The following AWAT1 variants were observed in gnomAD, a reference collection of about 807,000 sequenced individuals.
AWAT1 encodes the protein acyl-CoA wax alcohol acyltransferase 1.
In AWAT1, 26 loss-of-function variants were observed where a neutral mutation model predicts 21.6. The observed-to-expected ratio is 1.20, with a 90% CI of 0.88 to 1.67. The LOEUF is 1.67. AWAT1 is among the 40% of genes most tolerant of loss of function. The probability of loss-of-function intolerance (pLI) is 0.00; values close to 1 mark genes in which losing one functional copy is unlikely to be tolerated. For missense variants in AWAT1, 264 were observed against 249.4 expected (o/e 1.06, Z -0.39); for synonymous variants, 102 against 99.3 (o/e 1.03, Z -0.16).
In AWAT1 at chrX:70,238,559, CA is replaced by C. The variant is rs757656809; in HGVS notation, c.632+177del. The stretch of plus-strand genomic sequence containing the variant: ...TCAACTAGTTTCTAAGAGGCCAAAC[CA>C]TAAACCCAGGTTCAATATCAAGGGG... On this transcript the variant is annotated intron_variant, in intron 5 of 6. Coordinates refer to ENST00000374521, the MANE Select transcript of AWAT1 (RefSeq NM_001013579.3). Among the ~76,000 whole-genome samples, 20 of 112,568 alleles carry C rather than the reference CA, an allele frequency of 1.8e-4. No individual in the cohort carries two copies. The Admixed American group carries it at 1.9e-3, about 11-fold the overall frequency.
rs1388257488 is a variant in AWAT1, at chrX:70,236,140, G to A, written c.255+1G>A. Reference sequence around the variant, plus strand: ...CATCAGGGACTATTTCCCCATTACGGTAAGTATCTCTTCCCCAGTGTCCTC... The same window carrying A: ...CATCAGGGACTATTTCCCCATTACGATAAGTATCTCTTCCCCAGTGTCCTC... On this transcript the variant is annotated splice_donor_variant, in intron 3 of 6. Transcript: ENST00000374521. LOFTEE classifies it high-confidence loss of function. 8.3e-7 allele frequency: 1 copy of A among 1,202,490 alleles called. No individual in the cohort carries two copies. Among genetic ancestry groups the A allele is most frequent in the Non-Finnish European group, 1.1e-6 (1 of 888,314 alleles).
In AWAT1 at chrX:70,235,766, C is replaced by T; in HGVS notation, c.127C>T (p.Pro43Ser). 1.7e-6 allele frequency: 2 copies of T among 1,210,869 alleles called. No homozygotes were observed. Among genetic ancestry groups the T allele is most frequent in the Non-Finnish European group, 2.2e-6 (2 of 895,004 alleles). ...FVYLLFTSLW[P>S]LPVLYFAWLF... is the part of the protein sequence containing the mutation. ...CTACCTGCTGTTTACATCCTTGTGG[C>T]CGCTACCAGTGCTTTACTTTGCCTG... The change falls in exon 2 of 7, where the codon CCG (proline) becomes TCG (serine). Residue 43 changes from proline (P) to serine (S), a missense_variant. By Grantham distance (74) the Pro-to-Ser change is moderately conservative. Coordinates refer to ENST00000374521, the MANE Select transcript of AWAT1 (RefSeq NM_001013579.3).
chrX:70,237,412 T>G, intron 4 of AWAT1, 164 bp downstream of exon 4: 1 of 468,208 alleles, frequency 2.1e-6, no homozygotes, highest in Non-Finnish European at 3.6e-6. Flanking sequence ...TGAACCCTCC[T>G]AGCTCTACCA....
In AWAT1 at chrX:70,236,123, A is replaced by G. The variant is rs763854973; in HGVS notation, c.239A>G (p.Asp80Gly). Residue 80 changes from aspartate to glycine, a missense_variant, in exon 3 of 7, where the codon GAC becomes GGC. Transcript: ENST00000374521. ...RNWCVWTHIR[D>G]YFPITILKTK... is the part of the protein sequence containing the mutation. ...TGGTGTGTCTGGACCCACATCAGGG[A>G]CTATTTCCCCATTACGGTAAGTATC... 1.7e-6 allele frequency: 2 copies of G among 1,210,052 alleles called. No homozygotes were observed. The highest frequency in any genetic ancestry group is 2.2e-6 in the Non-Finnish European group (2 of 893,866).
chrX:70,238,133 C>G (rs985927826), intron 4 of AWAT1, 79 bp from the exon 5 acceptor site: 5 of 991,839 alleles, frequency 5.0e-6, no homozygotes, highest in South Asian at 2.3e-5. Flanking sequence ...TGAGAACAAG[C>G]CAGTGAAGAG....
chrX:70,237,006 C>T, intron 3 of AWAT1, 38 bp from the exon 4 acceptor site: 1 of 1,133,834 alleles, frequency 8.8e-7, no homozygotes, highest in East Asian at 3.1e-5. Flanking sequence ...CATGTAATCT[C>T]ATTCCACCAC....
At chrX:70,236,575 T>C (rs1021205309) in intron 3 of AWAT1, among the ~76,000 whole-genome samples, 1 of 111,422 alleles carries the variant, frequency 9.0e-6, no homozygotes, top group Non-Finnish European at 1.9e-5. Context: ...CATGGTGATA[T>C]CTTAGCAGGG....
At chrX:70,239,599 T>C in intron 5 of AWAT1, 136 bp from the exon 6 acceptor site, 1 of 541,083 alleles carries the variant, frequency 1.8e-6, no homozygotes, top group Non-Finnish European at 3.1e-6. Flanking sequence ...GAAACCCTGT[T>C]TAGTGCAAGA....
chrX:70,236,957 GCA>G, intron 3 of AWAT1, 85 bp from the exon 4 acceptor site: 1 of 863,481 alleles, frequency 1.2e-6, no homozygotes, highest in Non-Finnish European at 1.7e-6. Context: ...GCTTTAGAGA[GCA>G]CCCTGATCCC....
chrX:70,239,749 C>T lies in AWAT1; in HGVS notation c.647C>T (p.Pro216Leu), dbSNP rs141044914. 7.2e-4 allele frequency: 868 copies of T among 1,208,984 alleles called. 1 individual carries two copies. The highest frequency in any genetic ancestry group is 9.3e-4 in the Non-Finnish European group (831 of 894,299). ...TALQHGAHLVPTFTFGETEVY... is the reference protein window; with the variant it reads ...TALQHGAHLVLTFTFGETEVY... ...TTTTCCTACAGGGCTCATCTGGTCC[C>T]CACCTTCACTTTTGGGGAAACTGAG... The change falls in exon 6 of 7, where the codon CCC becomes CTC. Residue 216 changes from proline (P) to leucine (L), a missense_variant. By Grantham distance (98) the Pro-to-Leu change is moderately conservative. Coordinates refer to ENST00000374521, the MANE Select transcript of AWAT1 (RefSeq NM_001013579.3).
chrX:70,236,042 C>G (rs1266986803), intron 2 of AWAT1, 27 bp from the exon 3 acceptor site: 1 of 1,174,558 alleles, frequency 8.5e-7, no homozygotes, highest in Admixed American at 2.2e-5. Context: ...ACACTGACAT[C>G]ATCCCCTACT....
rs937553561 is a variant in AWAT1 at position 70,238,274 on chromosome X, G to A, written c.523G>A (p.Val175Met). The A allele has an allele frequency of 1.1e-5, 13 of 1,210,980 alleles. No homozygotes were observed. The highest frequency in any genetic ancestry group is 1.3e-5 in the Non-Finnish European group (12 of 894,894). ...GCTGAGCCATGGCACTGGCAACCTC[G>A]TGGGCATTGTAGTGGGAGGTGTGGG... ...YLLSHGTGNL[V>M]GIVVGGVGEA... Residue 175 changes from valine (V) to methionine (M), a missense_variant, in exon 5 of 7, where the codon GTG (valine) becomes ATG (methionine). By Grantham distance (21) the Val-to-Met change is conservative. Transcript: ENST00000374521.
chrX:70,234,996 G>A lies in AWAT1; in HGVS notation c.76+225G>A, dbSNP rs756025615. 1.3e-3 allele frequency among the ~76,000 whole-genome samples: 143 copies of A among 110,072 alleles called. 1 individual carries two copies. Among genetic ancestry groups the A allele is most frequent in the African/African-American group, 4.6e-3 (140 of 30,296 alleles). On this transcript the variant is annotated intron_variant, in intron 1 of 6. Transcript: ENST00000374521. ...GAATATGTAGTGGGAGGGGGCGGGGGGTGGAACAGGGTCATGATGGATATG... is the reference window on the plus strand; with the variant it reads ...GAATATGTAGTGGGAGGGGGCGGGGAGTGGAACAGGGTCATGATGGATATG...
chrX:70,237,424 T>A, intron 4 of AWAT1, 176 bp downstream of exon 4: 1 of 453,102 alleles, frequency 2.2e-6, no homozygotes, highest in Non-Finnish European at 3.8e-6. Flanking sequence ...GCTCTACCAC[T>A]TGTGTGGTCT....
Position 70,240,465 on chromosome X carries a change from A to T in AWAT1, c.*175A>T. On this transcript the variant is annotated 3_prime_UTR_variant, in exon 7 of 7. Coordinates refer to ENST00000374521, the MANE Select transcript of AWAT1 (RefSeq NM_001013579.3). ...GTCCTTACAGGAATTCTTTCTGAAG[A>T]GCTGCACACAGTCATTCCTCAAAGG... 1 of 487,508 alleles carries T rather than the reference A, an allele frequency of 2.1e-6. No homozygotes were observed. Among genetic ancestry groups the T allele is most frequent in the Non-Finnish European group, 3.3e-6 (1 of 300,750 alleles). The allele number at this position is 487,508 out of a possible 1,213,427, so 40.2% of individuals were successfully genotyped here.
intron 5 of AWAT1, 115 bp downstream of exon 5, chrX:70,238,498 T>A: frequency 3.7e-6 from 3 of 817,240 alleles, no homozygotes; most frequent in African/African-American, 4.1e-5. Flanking sequence ...TACTACCAAG[T>A]AAGAAAAATG....
chrX:70,235,708 C>T lies in AWAT1; in HGVS notation c.77-8C>T. On this transcript the variant is annotated splice_region_variant and splice_polypyrimidine_tract_variant and intron_variant, in intron 1 of 6. Transcript: ENST00000374521. ...GCACAAATTTGGTCTAACCTGGTCC[C>T]TCATCAGTTTGGATCTTGCAGCCAT... is the stretch of plus-strand genomic sequence containing the variant. 8.3e-7 allele frequency: 1 copy of T among 1,201,277 alleles called. No individual in the cohort carries two copies. Among genetic ancestry groups the T allele is most frequent in the Non-Finnish European group, 1.1e-6 (1 of 886,344 alleles).
chrX:70,236,411 A>C (rs193038223), intron 3 of AWAT1, among the ~76,000 whole-genome samples: 5 of 111,803 alleles, frequency 4.5e-5, no homozygotes, highest in Non-Finnish European at 9.4e-5. Context: ...TCTACTCTGA[A>C]CCACGTTAGC....
At chrX:70,235,499 G>A (rs748857355) in intron 1 of AWAT1, among the ~76,000 whole-genome samples, 289 of 110,940 alleles carry the variant, frequency 2.6e-3, no homozygotes, top group African/African-American at 8.9e-3. Context: ...GGAAGCAGGT[G>A]GACAGGGATG....
Sources: allele counts gnomAD v4.1 joint callset (sites outside exome capture counted in the v4.1 genomes callset), GRCh38; gene constraint gnomAD v4.1.1; transcripts MANE v1.5; gene names NCBI Gene and HGNC (gene_info 2026-07-23, HGNC 2026-07-21).